Variants in SAMMSON observed in about 807,000 individuals in gnomAD.
SAMMSON encodes the protein survival associated mitochondrial melanoma specific oncogenic non-coding RNA, also known as long intergenic non-protein coding RNA 1212.
intron 9 of SAMMSON, among the ~76,000 whole-genome samples, chr3:70,362,096 G>A (rs147986380): frequency 6.6e-6 from 1 of 152,204 alleles, no homozygotes; most frequent in African/African-American, 2.4e-5. Flanking sequence ...TGCCTGTAAA[G>A]TGTGGTAGAA....
chr3:70,396,827 G>A (rs974968059), intron 2 of SAMMSON, among the ~76,000 whole-genome samples: 3 of 152,108 alleles, frequency 2.0e-5, no homozygotes, highest in African/African-American at 4.8e-5. Flanking sequence ...TCCAGTTATT[G>A]TGTTGGGAAG....
At chr3:70,173,891 T>C (rs1700984029) in intron 4 of SAMMSON, among the ~76,000 whole-genome samples, 1 of 151,854 alleles carries the variant, frequency 6.6e-6, no homozygotes, top group Admixed American at 6.6e-5. Flanking sequence ...AGGGAAATAA[T>C]ATAGATATAC....
chr3:70,036,873 A>G (rs983013929), intron 3 of SAMMSON, among the ~76,000 whole-genome samples: 12 of 152,230 alleles, frequency 7.9e-5, no homozygotes, highest in East Asian at 1.9e-4. Context: ...TGGAAAGTCA[A>G]ATTACTTTGT....
intron 7 of SAMMSON, among the ~76,000 whole-genome samples, chr3:70,337,667 G>C (rs878972776): frequency 6.6e-6 from 1 of 151,664 alleles, no homozygotes; most frequent in Admixed American, 6.6e-5. Context: ...CTAGGGTATG[G>C]ACTTATACGC....
intron 6 of SAMMSON, among the ~76,000 whole-genome samples, chr3:70,283,262 G>T (rs1702106711): frequency 6.6e-6 from 1 of 152,072 alleles, no homozygotes; most frequent in African/African-American, 2.4e-5. Flanking sequence ...AACTCATGCA[G>T]TCCTCTGATT....
At chr3:70,307,058 C>A (rs548316458) in intron 7 of SAMMSON, among the ~76,000 whole-genome samples, 1 of 152,064 alleles carries the variant, frequency 6.6e-6, no homozygotes, top group South Asian at 2.1e-4. Context: ...TTATGGAAAA[C>A]CAGTTTTCAG....
intron 4 of SAMMSON, among the ~76,000 whole-genome samples, chr3:70,081,177 G>A (rs931322065): frequency 4.6e-5 from 7 of 152,080 alleles, no homozygotes; most frequent in Admixed American, 3.3e-4. Context: ...GCAGTGGCGC[G>A]ATCTCTGCTC....
At chr3:70,316,588 T>G (rs1432557155) in intron 7 of SAMMSON, among the ~76,000 whole-genome samples, 1 of 152,114 alleles carries the variant, frequency 6.6e-6, no homozygotes, top group Non-Finnish European at 1.5e-5. Context: ...CATCAAATAT[T>G]GCACATTAAA....
chr3:70,406,170 T>A (rs1701176733), intron 2 of SAMMSON, among the ~76,000 whole-genome samples: 1 of 152,178 alleles, frequency 6.6e-6, no homozygotes, highest in South Asian at 2.1e-4. Context: ...ATACATCCAA[T>A]TTTTATTTGT....
chr3:70,353,365 T>G (rs1336807358), intron 7 of SAMMSON, among the ~76,000 whole-genome samples: 1 of 151,988 alleles, frequency 6.6e-6, no homozygotes, highest in South Asian at 2.1e-4. Context: ...TATAAAGAAC[T>G]CAGAAAACTG....
chr3:70,320,609 T>C (rs1228002259), intron 7 of SAMMSON, among the ~76,000 whole-genome samples: 1 of 152,026 alleles, frequency 6.6e-6, no homozygotes, highest in East Asian at 1.9e-4. Flanking sequence ...TAAACAACCT[T>C]ATTTAGAATT....
At chr3:70,050,726 G>A (rs1176583999) in intron 3 of SAMMSON, among the ~76,000 whole-genome samples, 2 of 151,960 alleles carry the variant, frequency 1.3e-5, no homozygotes, top group Non-Finnish European at 2.9e-5. Context: ...TGGTTGACTC[G>A]AAATCCAGAA....
In SAMMSON at chr3:70,006,817, G is replaced by T. The variant is rs193265071; in HGVS notation, n.23-5540G>T. Among the ~76,000 whole-genome samples, 149 of 114,056 alleles carry T rather than the reference G, an allele frequency of 1.3e-3. 6 individuals carry two copies. In the East Asian group the frequency reaches 0.035, roughly 27 times the overall value. The allele number at this position is 114,056 out of a possible 152,430, so 74.8% of individuals were successfully genotyped here. ...CCCCCCTCCCCCCACCCCACAACAGGCCCCGGTGTGTGATGTTCCCTTTCC... is the reference window on the plus strand; with the variant it reads ...CCCCCCTCCCCCCACCCCACAACAGTCCCCGGTGTGTGATGTTCCCTTTCC... On this transcript the variant is annotated intron_variant and non_coding_transcript_variant, in intron 1 of 9. Transcript: ENST00000642114.
intron 2 of SAMMSON, among the ~76,000 whole-genome samples, chr3:70,418,911 G>A (rs983229647): frequency 1.7e-5 from 2 of 115,092 alleles, no homozygotes; most frequent in Non-Finnish European, 3.6e-5. Flanking sequence ...AGGGTTTGAT[G>A]TTTGCTTTCT....
chr3:70,208,844 T>A (rs1247655672), intron 4 of SAMMSON, among the ~76,000 whole-genome samples: 1 of 152,162 alleles, frequency 6.6e-6, no homozygotes, highest in East Asian at 1.9e-4. Context: ...CAGTGTTTAA[T>A]TTCTATTCTC....
chr3:70,024,068 A>G (rs928921253), intron 3 of SAMMSON, among the ~76,000 whole-genome samples: 27 of 152,058 alleles, frequency 1.8e-4, no homozygotes, highest in African/African-American at 6.0e-4. Flanking sequence ...TGCCTCAATC[A>G]CTAGCAGGTC....
rs1041258214 is a variant in SAMMSON, at chr3:70,136,647, G to A, written n.507+65082G>A. ...CCTTTAAATTTTGGGGGAGTAATTT[G>A]CCATGCAGTAATAGATAGCTGGTAT... On this transcript the variant is annotated intron_variant and non_coding_transcript_variant, in intron 4 of 9. Transcript: ENST00000642114. Among the ~76,000 whole-genome samples the A allele has an allele frequency of 7.2e-5, 11 of 152,288 alleles. 2 individuals carry two copies. In the South Asian group the frequency reaches 1.7e-3, roughly 23 times the overall value.
At chr3:70,302,971 C>A (rs570645243) in intron 7 of SAMMSON, among the ~76,000 whole-genome samples, 1 of 152,248 alleles carries the variant, frequency 6.6e-6, no homozygotes, top group South Asian at 2.1e-4. Context: ...TATGAGAACA[C>A]AGAAGATCTC....
At chr3:70,425,677 G>C (rs944037723) in intron 2 of SAMMSON, among the ~76,000 whole-genome samples, 3 of 151,980 alleles carry the variant, frequency 2.0e-5, no homozygotes, top group Non-Finnish European at 4.4e-5. Flanking sequence ...AAAGTGCTGG[G>C]ATTACAGGCA....
Sources: allele counts gnomAD v4.1 joint callset (sites outside exome capture counted in the v4.1 genomes callset), GRCh38; gene constraint gnomAD v4.1.1; transcripts MANE v1.5; gene names NCBI Gene and HGNC (gene_info 2026-07-23, HGNC 2026-07-21).